Variants in MARCHF1 observed in about 807,000 individuals in gnomAD.
The protein encoded by MARCHF1 is membrane associated ring-CH-type finger 1.
In MARCHF1, 40 loss-of-function variants were observed where a neutral mutation model predicts 54.2. The observed-to-expected ratio is 0.74, with a 90% CI of 0.57 to 0.96. The LOEUF (loss-of-function observed/expected upper bound fraction) is 0.96. Among genes scored for constraint, MARCHF1 ranks in the 40% least tolerant of loss-of-function variants. The pLI is 0.00. For synonymous variants in MARCHF1, 236 were observed against 236.3 expected (o/e 1.00, Z 0.01); for missense variants, 586 against 656.5 (o/e 0.89, Z 1.17).
intron 4 of MARCHF1, among the ~76,000 whole-genome samples, chr4:163,837,672 G>GAAAACAAACTAACAAAATTA (rs1749227528): frequency 6.6e-6 from 1 of 151,096 alleles, no homozygotes; most frequent in East Asian, 1.9e-4. Context: ...AAAATATAAA[G>GAAAACAAACTAACAAAATTA]AAAACAAATT....
intron 1 of MARCHF1, among the ~76,000 whole-genome samples, chr4:164,138,810 G>C (rs983274548): frequency 2.0e-5 from 3 of 152,144 alleles, no homozygotes; most frequent in Admixed American, 1.3e-4. Flanking sequence ...GGCTATCTTA[G>C]AGAGATTAAA....
chr4:163,543,899 G>C (rs1170067076), intron 9 of MARCHF1, among the ~76,000 whole-genome samples: 1 of 152,138 alleles, frequency 6.6e-6, no homozygotes, highest in South Asian at 2.1e-4. Context: ...TTACTACAAA[G>C]AGGCCAAGTG....
At chr4:164,097,858 G>A (rs1755448617) in intron 2 of MARCHF1, among the ~76,000 whole-genome samples, 1 of 152,150 alleles carries the variant, frequency 6.6e-6, no homozygotes, top group Non-Finnish European at 1.5e-5. Flanking sequence ...TGGAAGGCTA[G>A]GCAGGGTGAA....
chr4:164,125,810 C>A (rs954328177), intron 1 of MARCHF1, among the ~76,000 whole-genome samples: 5 of 152,196 alleles, frequency 3.3e-5, no homozygotes, highest in Non-Finnish European at 5.9e-5. Context: ...TATAGGAGCA[C>A]AAACCCTGTT....
chr4:164,065,321 C>G (rs971947804), intron 2 of MARCHF1, among the ~76,000 whole-genome samples: 23 of 152,018 alleles, frequency 1.5e-4, no homozygotes, highest in Admixed American at 8.5e-4. Flanking sequence ...AATGTAAAAC[C>G]CAAAACTATA....
intron 8 of MARCHF1, among the ~76,000 whole-genome samples, chr4:163,576,561 T>C (rs1029690362): frequency 6.6e-6 from 1 of 152,088 alleles, no homozygotes; most frequent in African/African-American, 2.4e-5. Flanking sequence ...TTTGGTCCAA[T>C]TGGTCAAGTG....
intron 4 of MARCHF1, among the ~76,000 whole-genome samples, chr4:163,776,316 GTC>G (rs1747303123): frequency 6.6e-6 from 1 of 151,418 alleles, no homozygotes; most frequent in Non-Finnish European, 1.5e-5. Flanking sequence ...TGTTCTATCT[GTC>G]TCTCTCTTTC....
chr4:163,524,528 G>C (rs1349022808), downstream of MARCHF1: 2 of 151,968 alleles, frequency 1.3e-5, no homozygotes, highest in Non-Finnish European at 1.5e-5. Flanking sequence ...AGTCCACATA[G>C]TTTATTTTCA....
intron 2 of MARCHF1, among the ~76,000 whole-genome samples, chr4:164,041,855 T>C (rs1485043616): frequency 6.6e-6 from 1 of 152,188 alleles, no homozygotes; most frequent in Admixed American, 6.5e-5. Context: ...TTTGCTTTTC[T>C]CTTTGTAGCT....
intron 4 of MARCHF1, among the ~76,000 whole-genome samples, chr4:163,746,277 A>G (rs1286078409): frequency 6.6e-6 from 1 of 151,944 alleles, no homozygotes; most frequent in Non-Finnish European, 1.5e-5. Context: ...GCCTTTTCAG[A>G]TTGTCTTTTT....
chr4:163,752,078 T>C (rs1296796838), intron 4 of MARCHF1, among the ~76,000 whole-genome samples: 1 of 152,200 alleles, frequency 6.6e-6, no homozygotes, highest in Non-Finnish European at 1.5e-5. Flanking sequence ...TAGGGACTTA[T>C]AACTCATAGT....
At chr4:163,969,786 A>G (rs562761647) in intron 3 of MARCHF1, among the ~76,000 whole-genome samples, 1 of 152,238 alleles carries the variant, frequency 6.6e-6, no homozygotes, top group Non-Finnish European at 1.5e-5. Context: ...AGAAATTTGA[A>G]ATGGTATAAG....
intron 1 of MARCHF1, among the ~76,000 whole-genome samples, chr4:164,177,009 TACAAATG>T: frequency 1.8e-5 from 1 of 55,570 alleles, no homozygotes; most frequent in South Asian, 6.9e-4. Flanking sequence ...TATATATATA[TACAAATG>T]ATAGAATTAG....
At chr4:164,143,047 C>A (rs1438613170) in intron 1 of MARCHF1, among the ~76,000 whole-genome samples, 4 of 146,216 alleles carry the variant, frequency 2.7e-5, no homozygotes, top group Non-Finnish European at 4.5e-5. Context: ...GGAGCTGATG[C>A]GATCAACTGG....
intron 4 of MARCHF1, among the ~76,000 whole-genome samples, chr4:163,733,240 TACACGTGTATATATATATAC>T (rs1561047173): frequency 2.1e-5 from 1 of 46,694 alleles, no homozygotes; most frequent in Non-Finnish European, 5.3e-5. Flanking sequence ...TATATATATA[TACACGTGTATATATATATAC>T]ACACACACAC....
intron 2 of MARCHF1, among the ~76,000 whole-genome samples, chr4:164,030,867 AT>A (rs1484226633): frequency 1.3e-5 from 2 of 152,084 alleles, no homozygotes; most frequent in Admixed American, 1.3e-4. Flanking sequence ...GGAGTTCATG[AT>A]TTGGCTCTCT....
intron 1 of MARCHF1, among the ~76,000 whole-genome samples, chr4:164,318,383 C>T (rs1735055633): frequency 6.6e-6 from 1 of 152,198 alleles, no homozygotes; most frequent in Admixed American, 6.5e-5. Flanking sequence ...AATCAATTCT[C>T]CCTTCTGTGG....
chr4:163,864,022 T>C (rs1749997794), intron 3 of MARCHF1, among the ~76,000 whole-genome samples: 1 of 151,954 alleles, frequency 6.6e-6, no homozygotes. Flanking sequence ...ACTGATATAA[T>C]GAATGATTGA....
chr4:163,639,371 T>C (rs1049365914), intron 5 of MARCHF1, among the ~76,000 whole-genome samples: 14 of 152,190 alleles, frequency 9.2e-5, no homozygotes, highest in African/African-American at 3.1e-4. Flanking sequence ...TTGCTGGTAC[T>C]GAGACCAGAG....
Sources: gnomAD v4.1 joint callset for allele counts (sites outside exome capture counted in the v4.1 genomes callset) on GRCh38, gnomAD v4.1.1 for gene constraint, MANE v1.5 for transcripts, NCBI Gene and HGNC (gene_info 2026-07-23, HGNC 2026-07-21) for gene names.